VPS13B: variants seen among roughly 807,000 people sequenced by gnomAD.
VPS13B encodes intermembrane lipid transfer protein VPS13B.
VPS13B carries 285 observed loss-of-function variants against 426.4 expected under a neutral mutation model. The ratio of observed to expected loss-of-function variants is 0.67; its 90% CI spans 0.61 to 0.74. The LOEUF (loss-of-function observed/expected upper bound fraction) is 0.74. VPS13B is among the 30% of genes least tolerant of loss of function. VPS13B has a pLI of 0.00. For synonymous variants in VPS13B, 1,676 were observed against 1,676.4 expected, an observed-to-expected ratio of 1.00 and a Z score of 0.01; for missense variants, 4,537 against 4,782.6, an observed-to-expected ratio of 0.95 and a Z score of 1.51.
intron 33 of VPS13B, among the ~76,000 whole-genome samples, chr8:99,635,015 G>T (rs1251691831): frequency 6.6e-6 from 1 of 150,786 alleles, no homozygotes; most frequent in Non-Finnish European, 1.5e-5. Flanking sequence ...TCTGTTAAAA[G>T]CATGCGACAG....
intron 35 of VPS13B, among the ~76,000 whole-genome samples, chr8:99,698,769 A>G (rs1832141522): frequency 6.6e-6 from 1 of 152,216 alleles, no homozygotes. Context: ...CTTATGTCTT[A>G]TTAATAATAG....
chr8:99,460,384 CTTA>C (rs1818759799), intron 23 of VPS13B, among the ~76,000 whole-genome samples: 1 of 152,090 alleles, frequency 6.6e-6, no homozygotes, highest in Admixed American at 6.6e-5. Flanking sequence ...CTTTATCCCC[CTTA>C]TTGACACATA....
At chr8:99,292,802 T>G (rs1819808370) in intron 19 of VPS13B, among the ~76,000 whole-genome samples, 1 of 152,164 alleles carries the variant, frequency 6.6e-6, no homozygotes, top group Non-Finnish European at 1.5e-5. Context: ...ATATCTATTT[T>G]TGTGCAACTG....
chr8:99,312,284 C>T (rs1399583932), intron 19 of VPS13B, among the ~76,000 whole-genome samples: 1 of 152,130 alleles, frequency 6.6e-6, no homozygotes, highest in Non-Finnish European at 1.5e-5. Flanking sequence ...TACAATTTGG[C>T]ATGTTTTTCC....
intron 39 of VPS13B, among the ~76,000 whole-genome samples, chr8:99,750,691 G>A (rs1810347068): frequency 6.6e-6 from 1 of 152,064 alleles, no homozygotes; most frequent in South Asian, 2.1e-4. Flanking sequence ...AGTTAGAGGG[G>A]CACATAAGTT....
intron 35 of VPS13B, among the ~76,000 whole-genome samples, chr8:99,682,439 C>A (rs970525583): frequency 6.9e-4 from 105 of 152,194 alleles, no homozygotes; most frequent in African/African-American, 2.4e-3. Flanking sequence ...TTTTTTGATA[C>A]AAGTCTTTTG....
At chr8:99,145,013 G>A (rs975918485) in intron 13 of VPS13B, among the ~76,000 whole-genome samples, 1 of 152,090 alleles carries the variant, frequency 6.6e-6, no homozygotes, top group Non-Finnish European at 1.5e-5. Context: ...GTGAAAAGAG[G>A]GTTTTATGTA....
At chr8:99,384,398 G>C (rs1814004515) in intron 20 of VPS13B, 81 bp downstream of exon 20, 1 of 1,154,752 alleles carries the variant, frequency 8.7e-7, no homozygotes, top group Non-Finnish European at 1.3e-6. Context: ...TCTTTTGATG[G>C]ATTCTTTTTT....
At chr8:99,252,511 T>C (rs1390411469) in intron 17 of VPS13B, among the ~76,000 whole-genome samples, 1 of 152,122 alleles carries the variant, frequency 6.6e-6, no homozygotes, top group Non-Finnish European at 1.5e-5. Context: ...TTGAAAAGAA[T>C]GTGTATTCTG....
intron 30 of VPS13B, among the ~76,000 whole-genome samples, chr8:99,544,516 T>G (rs1245288852): frequency 6.6e-6 from 1 of 152,160 alleles, no homozygotes; most frequent in Non-Finnish European, 1.5e-5. Flanking sequence ...TCAGCCGTAA[T>G]TATTATACTT....
chr8:99,111,041 G>C (rs539925987), intron 5 of VPS13B, 57 bp from the exon 6 acceptor site: 1 of 1,370,906 alleles, frequency 7.3e-7, no homozygotes, highest in Non-Finnish European at 1.0e-6. Flanking sequence ...ATAAATAATA[G>C]TTGCCTTTCC....
At chr8:99,647,641 A>G (rs1279372712) in intron 34 of VPS13B, among the ~76,000 whole-genome samples, 3 of 152,184 alleles carry the variant, frequency 2.0e-5, no homozygotes, top group African/African-American at 7.2e-5. Context: ...TGTAACTATA[A>G]AAAGAATATA....
In VPS13B at chr8:99,511,422, A is replaced by G; in HGVS notation, c.4543A>G (p.Thr1515Ala). The G allele has an allele frequency of 6.2e-7, 1 of 1,613,540 alleles. No individual in the cohort carries two copies. The highest frequency in any genetic ancestry group is 8.5e-7 in the Non-Finnish European group (1 of 1,179,932). ...TCAGCCCATGAGGACCCATACACTG[A>G]CATCCCGCAATTTACCTTTGATTTA... ...PGQPMRTHTL[T>A]SRNLPLIYVN... Residue 1515 changes from threonine to alanine, a missense_variant, in exon 29 of 62, where the codon ACA becomes GCA. By Grantham distance (58) the Thr-to-Ala change is moderately conservative (BLOSUM62 0). Coordinates refer to ENST00000357162, the MANE Select transcript of VPS13B (RefSeq NM_152564.5).
rs546997821 is a variant in VPS13B, at chr8:99,392,393, GT to G, written c.3082+695del. On this transcript the variant is annotated intron_variant, in intron 21 of 61. Transcript: ENST00000357162. ...TTTTTATGATTTTATTTTGTGATTTGTTTTTTCTTCTTAACCTCTAATTTTT... is the reference window on the plus strand; with the variant it reads ...TTTTTATGATTTTATTTTGTGATTTGTTTTTCTTCTTAACCTCTAATTTTT... Among the ~76,000 whole-genome samples the G allele has an allele frequency of 8.0e-4, 122 of 151,868 alleles. 1 individual carries two copies. The highest frequency in any genetic ancestry group is 1.1e-3 in the Non-Finnish European group (77 of 67,920).
intron 33 of VPS13B, among the ~76,000 whole-genome samples, chr8:99,618,303 T>G (rs903239534): frequency 6.7e-6 from 1 of 149,300 alleles, no homozygotes; most frequent in Non-Finnish European, 1.5e-5. Context: ...AAAAAAAAAT[T>G]CTGTCAATTG....
intron 19 of VPS13B, among the ~76,000 whole-genome samples, chr8:99,283,062 A>C (rs977716543): frequency 6.6e-6 from 1 of 152,208 alleles, no homozygotes; most frequent in Non-Finnish European, 1.5e-5. Flanking sequence ...TTGGTTGGTT[A>C]GAATATATTG....
chr8:99,223,255 A>G (rs566906794), intron 17 of VPS13B, among the ~76,000 whole-genome samples: 1 of 152,206 alleles, frequency 6.6e-6, no homozygotes, highest in South Asian at 2.1e-4. Flanking sequence ...ACTGCTTAAG[A>G]TAATAGTGGA....
chr8:99,109,704 A>T (rs1020232121), intron 5 of VPS13B, among the ~76,000 whole-genome samples: 6 of 152,148 alleles, frequency 3.9e-5, no homozygotes, highest in African/African-American at 1.4e-4. Context: ...CTTATAGCAA[A>T]GTAGATAAGA....
intron 19 of VPS13B, among the ~76,000 whole-genome samples, chr8:99,312,458 G>A (rs1056419134): frequency 6.6e-6 from 1 of 152,150 alleles, no homozygotes; most frequent in Non-Finnish European, 1.5e-5. Flanking sequence ...GAAATTCTGG[G>A]TTGAAAATTA....
Sources: allele counts gnomAD v4.1 joint callset (sites outside exome capture counted in the v4.1 genomes callset), GRCh38; gene constraint gnomAD v4.1.1; transcripts MANE v1.5; gene names NCBI Gene and HGNC (gene_info 2026-07-23, HGNC 2026-07-21).